TXNL1: variants seen among roughly 807,000 people sequenced by gnomAD.
TXNL1 encodes thioredoxin-like protein 1.
A neutral mutation model predicts 35.5 loss-of-function variants in TXNL1; 14 were observed. The ratio of observed to expected loss-of-function variants is 0.39; its 90% CI spans 0.26 to 0.62. The LOEUF (loss-of-function observed/expected upper bound fraction) is 0.62. Among genes scored for constraint, TXNL1 ranks in the 20% least tolerant of loss-of-function variants. TXNL1 has a pLI of 0.47. For missense variants in TXNL1, 263 were observed against 349.7 expected, an observed-to-expected ratio of 0.75 and a Z score of 1.98; for synonymous variants, 110 against 115.5, an observed-to-expected ratio of 0.95 and a Z score of 0.31.
In TXNL1 at chr18:56,598,749, G is replaced by A. The variant is rs558633213; in HGVS notation, c.*4278C>T. The A allele has an allele frequency of 6.6e-6, 1 of 152,296 alleles. No homozygotes were observed. Among genetic ancestry groups the A allele is most frequent in the East Asian group, 1.9e-4 (1 of 5,178 alleles). The allele number at this position is 152,296 out of a possible 1,614,324, so 9.4% of individuals were successfully genotyped here. Reference sequence around the variant, plus strand: ...ACAGAAGATACTTATCCTTGTTCCAGATACAAAGTAAGGCGCATCTTCAGA... The same window carrying A: ...ACAGAAGATACTTATCCTTGTTCCAAATACAAAGTAAGGCGCATCTTCAGA... On this transcript the variant is annotated 3_prime_UTR_variant, in exon 8 of 8. Transcript: ENST00000217515.
At chr18:56,603,744 C>G (rs2023844679) in intron 7 of TXNL1, among the ~76,000 whole-genome samples, 1 of 152,140 alleles carries the variant, frequency 6.6e-6, no homozygotes, top group Non-Finnish European at 1.5e-5. Context: ...AACAAATTCT[C>G]TGCAGGAGAG....
At chr18:56,607,260 T>G (rs2023914123) in intron 7 of TXNL1, among the ~76,000 whole-genome samples, 1 of 151,812 alleles carries the variant, frequency 6.6e-6, no homozygotes, top group Non-Finnish European at 1.5e-5. Context: ...TCAAGTGATC[T>G]TCCCACCTCA....
At chr18:56,604,637 T>C (rs934489353) in intron 7 of TXNL1, among the ~76,000 whole-genome samples, 1 of 152,214 alleles carries the variant, frequency 6.6e-6, no homozygotes, top group Admixed American at 6.5e-5. Flanking sequence ...AAAGAGTCCA[T>C]TGATCTTCTA....
At chr18:56,636,394 CA>C (rs1176114448) in intron 1 of TXNL1, among the ~76,000 whole-genome samples, 1 of 152,074 alleles carries the variant, frequency 6.6e-6, no homozygotes, top group African/African-American at 2.4e-5. Context: ...CCGTCATATA[CA>C]TAATTCTGGG....
chr18:56,616,783 G>A (rs774627605), intron 4 of TXNL1, among the ~76,000 whole-genome samples: 2 of 152,152 alleles, frequency 1.3e-5, no homozygotes, highest in Non-Finnish European at 2.9e-5. Context: ...AAACTCAAGA[G>A]AATAGGGTTC....
In TXNL1 at chr18:56,602,418, A is replaced by C. The variant is rs2023822671; in HGVS notation, c.*609T>G. 1 of 146,396 alleles carries C rather than the reference A, an allele frequency of 6.8e-6. No homozygotes were observed. The highest frequency in any genetic ancestry group is 1.5e-5 in the Non-Finnish European group (1 of 66,592). The allele number at this position is 146,396 out of a possible 1,614,324, so 9.1% of individuals were successfully genotyped here. On this transcript the variant is annotated 3_prime_UTR_variant, in exon 8 of 8. Transcript: ENST00000217515. ...AAAAAAAAAAAAAAGGCTGACTCAA[A>C]TTTTAAAGTTTACCAGAAGAGATTA... is the stretch of plus-strand genomic sequence containing the variant.
At chr18:56,638,008 C>T (rs1296201885) in intron 1 of TXNL1, among the ~76,000 whole-genome samples, 3 of 152,196 alleles carry the variant, frequency 2.0e-5, no homozygotes, top group African/African-American at 7.2e-5. Flanking sequence ...GGGTCAGGCT[C>T]AGGCAAGGGT....
At chr18:56,621,990 A>G (rs553325374) in intron 3 of TXNL1, among the ~76,000 whole-genome samples, 1 of 150,186 alleles carries the variant, frequency 6.7e-6, no homozygotes, top group South Asian at 2.1e-4. Flanking sequence ...CAGCCTAGAC[A>G]AAAGTGTGAA....
In TXNL1 at chr18:56,624,677, C is replaced by T. The variant is rs570878742; in HGVS notation, c.196-216G>A. On this transcript the variant is annotated intron_variant, in intron 2 of 7. Transcript: ENST00000217515. Reference sequence around the variant, plus strand: ...ATCACACACACAATAAAGAACATTCCCCATGTTTTTATCATTTTTACTGGT... The same window carrying T: ...ATCACACACACAATAAAGAACATTCTCCATGTTTTTATCATTTTTACTGGT... 6.2e-4 allele frequency among the ~76,000 whole-genome samples: 94 copies of T among 152,156 alleles called. 1 individual carries two copies. The highest frequency in any genetic ancestry group is 2.6e-4 in the Non-Finnish European group (18 of 67,982).
intron 3 of TXNL1, among the ~76,000 whole-genome samples, chr18:56,620,959 T>G (rs943150243): frequency 1.3e-5 from 2 of 152,330 alleles, no homozygotes; most frequent in East Asian, 3.9e-4. Flanking sequence ...AGAGCAAAGT[T>G]TTACTATAGC....
At position 56,638,577 on chromosome 18, in the gene TXNL1, T is replaced by C. The variant is rs2024497143; in HGVS notation, c.-137A>G. On this transcript the variant is annotated 5_prime_UTR_variant, in exon 1 of 8. Coordinates refer to ENST00000217515, the MANE Select transcript of TXNL1 (RefSeq NM_004786.3). ...AAGAGGTGGCGACCGCCGAGTCTTC[T>C]CCCGGGACTCTCAGTGCCGAGTCAC... 9.0e-6 allele frequency: 6 copies of C among 663,698 alleles called. No individual in the cohort carries two copies. Among genetic ancestry groups the C allele is most frequent in the Non-Finnish European group, 1.1e-5 (5 of 456,168 alleles). The allele number at this position is 663,698 out of a possible 1,614,324, so 41.1% of individuals were successfully genotyped here.
At chr18:56,624,236 A>G (rs1166260336) in intron 3 of TXNL1, 52 bp downstream of exon 3, 1 of 1,505,662 alleles carries the variant, frequency 6.6e-7, no homozygotes. Flanking sequence ...TAGCCCAATA[A>G]TGACATGTAC....
chr18:56,615,055 G>A (rs537517932), intron 5 of TXNL1, among the ~76,000 whole-genome samples: 1 of 152,176 alleles, frequency 6.6e-6, no homozygotes, highest in Non-Finnish European at 1.5e-5. Context: ...TTTAGGAGGA[G>A]AGCATTATCA....
intron 6 of TXNL1, among the ~76,000 whole-genome samples, chr18:56,612,241 T>C (rs1429114909): frequency 2.6e-5 from 4 of 151,942 alleles, no homozygotes; most frequent in Non-Finnish European, 4.4e-5. Context: ...TCATTGGAAA[T>C]TTTATTAAAA....
chr18:56,619,263 C>T (rs554425276), intron 3 of TXNL1, among the ~76,000 whole-genome samples: 5 of 149,368 alleles, frequency 3.3e-5, no homozygotes, highest in African/African-American at 7.4e-5. Flanking sequence ...GAGGCCGGGT[C>T]GGGGTGGCTC....
Position 56,618,099 on chromosome 18 carries a change from C to G in TXNL1, c.397G>C (p.Ala133Pro). 1 of 1,613,640 alleles carries G rather than the reference C, an allele frequency of 6.2e-7. No individual in the cohort carries two copies. The highest frequency in any genetic ancestry group is 8.5e-7 in the Non-Finnish European group (1 of 1,179,806). ...YMDLMPFINK[A>P]GCECLNESDE... ...CTTTCATTAAGACATTCACAACCAG[C>G]TTTGTTAATAAAAGGCATTAAATCC... is the stretch of plus-strand genomic sequence containing the variant. Residue 133 changes from alanine (A) to proline (P), a missense_variant, in exon 4 of 8, where the codon GCT becomes CCT. Transcript: ENST00000217515.
intron 7 of TXNL1, among the ~76,000 whole-genome samples, chr18:56,603,990 T>C (rs2023849752): frequency 6.6e-6 from 1 of 152,198 alleles, no homozygotes; most frequent in African/African-American, 2.4e-5. Context: ...TCAGTACATG[T>C]CTGGTCTAAA....
chr18:56,627,864 A>T lies in TXNL1; in HGVS notation c.99-1407T>A, dbSNP rs866028819. On this transcript the variant is annotated intron_variant, in intron 1 of 7. Coordinates refer to ENST00000217515, the MANE Select transcript of TXNL1 (RefSeq NM_004786.3). ...ACAAAACACAAGAAGTACTAAAAAA[A>T]AAAAAAGGTTTGACAGACTGGACTA... Among the ~76,000 whole-genome samples, 7 of 152,278 alleles carry T rather than the reference A, an allele frequency of 4.6e-5. No homozygotes were observed. The Middle Eastern group carries it at 0.014, about 296-fold the overall frequency.
At chr18:56,603,917 C>T (rs1351208486) in intron 7 of TXNL1, among the ~76,000 whole-genome samples, 4 of 152,044 alleles carry the variant, frequency 2.6e-5, no homozygotes, top group African/African-American at 9.7e-5. Context: ...ATTTAATTTT[C>T]GTATTTTACA....
Sources: allele counts gnomAD v4.1 joint callset (sites outside exome capture counted in the v4.1 genomes callset), GRCh38; gene constraint gnomAD v4.1.1; transcripts MANE v1.5; gene names NCBI Gene and HGNC (gene_info 2026-07-23, HGNC 2026-07-21).